RAP1GAP2: variants seen among roughly 807,000 people sequenced by gnomAD.
The protein encoded by RAP1GAP2 is RAP1 GTPase activating protein 2, also known as rap1 GTPase-activating protein 2.
RAP1GAP2 carries 27 observed loss-of-function variants against 95.0 expected under a neutral mutation model. That is an observed-to-expected ratio of 0.28 (90% CI 0.21 to 0.39). The LOEUF (loss-of-function observed/expected upper bound fraction) is 0.39, where lower values mean the gene tolerates loss of function less well. Among genes scored for constraint, RAP1GAP2 ranks in the 10% least tolerant of loss-of-function variants. RAP1GAP2 has a pLI of 1.00. For missense variants in RAP1GAP2, 771 were observed against 970.0 expected, an observed-to-expected ratio of 0.79 and a Z score of 2.72; for synonymous variants, 373 against 380.9, an observed-to-expected ratio of 0.98 and a Z score of 0.24.
At chr17:2,766,229 G>C (rs2068273510) in intron 1 of RAP1GAP2, among the ~76,000 whole-genome samples, 1 of 152,184 alleles carries the variant, frequency 6.6e-6, no homozygotes, top group African/African-American at 2.4e-5. Context: ...TTCTCCCAGT[G>C]AGTCCTTGTT....
chr17:3,011,824 G>C (rs545606083), intron 17 of RAP1GAP2, among the ~76,000 whole-genome samples: 25 of 152,090 alleles, frequency 1.6e-4, no homozygotes, highest in Admixed American at 1.6e-3. Context: ...ATCTTGGTCA[G>C]GCTGATCTTG....
chr17:2,931,278 T>G (rs2151793103), intron 3 of RAP1GAP2, among the ~76,000 whole-genome samples: 1 of 95,332 alleles, frequency 1.0e-5, no homozygotes, highest in African/African-American at 4.5e-5. Flanking sequence ...AGTGAGTGTT[T>G]CTTGTGTGTG....
chr17:2,873,234 C>T (rs1405735447), intron 2 of RAP1GAP2, among the ~76,000 whole-genome samples: 2 of 144,860 alleles, frequency 1.4e-5, no homozygotes, highest in Non-Finnish European at 3.0e-5. Flanking sequence ...CTGAGGTGGG[C>T]AGATTGCTTG....
chr17:2,995,393 C>A lies in RAP1GAP2; in HGVS notation c.971C>A (p.Thr324Lys). ...HGQTGVESVY[T>K]TFRDREIMFH... ...CAGACAGGGGTGGAATCAGTGTACA[C>A]AACATTCCGGGACAGGGAGATCATG... Residue 324 changes from threonine to lysine, a missense_variant, in exon 13 of 25, where the codon ACA becomes AAA. Thr to Lys is a moderately conservative substitution (Grantham distance 78). Transcript: ENST00000254695. 1.2e-6 allele frequency: 2 copies of A among 1,613,956 alleles called. No individual in the cohort carries two copies. The highest frequency in any genetic ancestry group is 8.5e-7 in the Non-Finnish European group (1 of 1,179,830).
intron 2 of RAP1GAP2, among the ~76,000 whole-genome samples, chr17:2,885,558 A>G (rs1354013682): frequency 6.6e-6 from 1 of 152,212 alleles, no homozygotes; most frequent in East Asian, 1.9e-4. Flanking sequence ...AGCTGCAACC[A>G]GCTCCTCCAG....
intron 2 of RAP1GAP2, among the ~76,000 whole-genome samples, chr17:2,858,824 A>G (rs1186344427): frequency 1.3e-5 from 2 of 152,044 alleles, no homozygotes; most frequent in Non-Finnish European, 2.9e-5. Context: ...GAGGCATGAG[A>G]GTTGCTTGAA....
chr17:3,023,489 G>A (rs967972363), intron 19 of RAP1GAP2, among the ~76,000 whole-genome samples: 3 of 152,210 alleles, frequency 2.0e-5, no homozygotes, highest in Admixed American at 1.3e-4. Flanking sequence ...ACCATGTTCT[G>A]AAGTAGGGCT....
intron 2 of RAP1GAP2, among the ~76,000 whole-genome samples, chr17:2,860,838 T>A (rs1455873727): frequency 6.6e-6 from 1 of 152,030 alleles, no homozygotes; most frequent in Non-Finnish European, 1.5e-5. Context: ...ACTCCTGGCC[T>A]CAAGTGATCC....
chr17:2,921,571 G>A (rs1409691075), intron 3 of RAP1GAP2, among the ~76,000 whole-genome samples: 1 of 152,082 alleles, frequency 6.6e-6, no homozygotes, highest in Non-Finnish European at 1.5e-5. Context: ...GGCCGTTAAA[G>A]TGTCCGCAGG....
chr17:3,026,485 C>G, intron 21 of RAP1GAP2, 21 bp downstream of exon 21: 1 of 1,518,832 alleles, frequency 6.6e-7, no homozygotes, highest in Non-Finnish European at 8.9e-7. Flanking sequence ...CCCGTCCACC[C>G]TTGGGCAGGC....
intron 2 of RAP1GAP2, among the ~76,000 whole-genome samples, chr17:2,817,767 T>C (rs377475571): frequency 8.2e-6 from 1 of 121,372 alleles, no homozygotes; most frequent in Non-Finnish European, 2.0e-5. Context: ...GCAATCCAAC[T>C]GCCTCAACCT....
At chr17:2,981,598 C>G (rs2045359016) in intron 10 of RAP1GAP2, among the ~76,000 whole-genome samples, 1 of 152,138 alleles carries the variant, frequency 6.6e-6, no homozygotes, top group Admixed American at 6.5e-5. Flanking sequence ...CAGATCCAGT[C>G]TGCTGTCACA....
At chr17:2,786,806 C>CG (rs2068789805) in intron 1 of RAP1GAP2, among the ~76,000 whole-genome samples, 1 of 151,694 alleles carries the variant, frequency 6.6e-6, no homozygotes, top group South Asian at 2.1e-4. Flanking sequence ...CCACCATGCC[C>CG]GGCTAATTTT....
At chr17:2,932,298 G>A (rs111340393) in intron 3 of RAP1GAP2, among the ~76,000 whole-genome samples, 7,256 of 152,114 alleles carry the variant, frequency 0.048, 273 homozygotes, top group Non-Finnish European at 0.067. Context: ...AAGTTCTGGA[G>A]CAGTTAAGGC....
At chr17:2,897,412 G>A (rs1192574950) in intron 2 of RAP1GAP2, among the ~76,000 whole-genome samples, 1 of 150,620 alleles carries the variant, frequency 6.6e-6, no homozygotes, top group African/African-American at 2.4e-5. Flanking sequence ...TCCTCCTGGA[G>A]ACTTTTTTTT....
chr17:2,941,936 G>T (rs1303651073), intron 3 of RAP1GAP2, among the ~76,000 whole-genome samples: 1 of 152,162 alleles, frequency 6.6e-6, no homozygotes, highest in East Asian at 1.9e-4. Context: ...ACCTGCCTCG[G>T]CCTCCCAAAG....
intron 2 of RAP1GAP2, among the ~76,000 whole-genome samples, chr17:2,859,806 C>T (rs958412814): frequency 6.6e-6 from 1 of 152,130 alleles, no homozygotes; most frequent in Non-Finnish European, 1.5e-5. Context: ...GAGTTTCCCA[C>T]AGTCAGGATT....
At chr17:2,969,056 A>T (rs1026362374) in intron 8 of RAP1GAP2, among the ~76,000 whole-genome samples, 3 of 152,056 alleles carry the variant, frequency 2.0e-5, no homozygotes, top group Non-Finnish European at 2.9e-5. Context: ...AAATTCACAG[A>T]ATACAATTGT....
chr17:2,867,097 C>A lies in RAP1GAP2; in HGVS notation c.81-38187C>A, dbSNP rs540632007. 6.6e-6 allele frequency among the ~76,000 whole-genome samples: 1 copy of A among 151,766 alleles called. No individual in the cohort carries two copies. Among genetic ancestry groups the A allele is most frequent in the African/African-American group, 2.4e-5 (1 of 41,260 alleles). ...TGTATTTGTAGTAGAGACGGGGTTT[C>A]ACCATGTTGGCCAGGCTGGTCTCGA... On this transcript the variant is annotated intron_variant, in intron 2 of 24. Transcript: ENST00000254695. The surrounding 1 kb of genome is among the most constrained non-coding windows in gnomAD (Gnocchi z 4.5).
Sources: allele counts gnomAD v4.1 joint callset (sites outside exome capture counted in the v4.1 genomes callset), GRCh38; gene constraint gnomAD v4.1.1; non-coding constraint Gnocchi (gnomAD v3.1); transcripts MANE v1.5; gene names NCBI Gene and HGNC (gene_info 2026-07-23, HGNC 2026-07-21).